The following SCYL3 variants were observed in gnomAD, a reference collection of about 807,000 sequenced individuals.
The protein encoded by SCYL3 is protein-associating with the carboxyl-terminal domain of ezrin.
Under a neutral mutation model 73.8 loss-of-function variants are expected in SCYL3, and 35 were observed. The observed-to-expected ratio is 0.47, with a 90% confidence interval of 0.36 to 0.63. The LOEUF (loss-of-function observed/expected upper bound fraction) is 0.63, where lower values mean the gene tolerates loss of function less well. Ranked by LOEUF, SCYL3 falls within the 20% of genes least tolerant of loss-of-function variation. The pLI, the probability that SCYL3 is intolerant of heterozygous loss-of-function variation, is 0.00. For synonymous variants in SCYL3, 277 were observed against 295.2 expected, an observed-to-expected ratio of 0.94 and a Z score of 0.63; for missense variants, 712 against 798.9, an observed-to-expected ratio of 0.89 and a Z score of 1.31.
chr1:169,860,721 G>A (rs777492592), intron 10 of SCYL3, among the ~76,000 whole-genome samples: 1 of 152,150 alleles, frequency 6.6e-6, no homozygotes, highest in Non-Finnish European at 1.5e-5. Flanking sequence ...CCAAAAATTG[G>A]TCATCCTCAA....
intron 2 of SCYL3, 90 bp downstream of exon 2, chr1:169,888,586 C>A: frequency 9.6e-7 from 1 of 1,037,554 alleles, no homozygotes; most frequent in Admixed American, 2.3e-5. Flanking sequence ...ATGATCTTAC[C>A]TCCTTTGAAC....
intron 5 of SCYL3, among the ~76,000 whole-genome samples, chr1:169,871,379 C>G: frequency 6.6e-6 from 1 of 152,218 alleles, no homozygotes; most frequent in Non-Finnish European, 1.5e-5. Context: ...CATAAGCTCT[C>G]TTCTCTTGTC....
At chr1:169,862,568 T>TC in intron 10 of SCYL3, 45 bp downstream of exon 10, 1 of 1,600,940 alleles carries the variant, frequency 6.2e-7, no homozygotes, top group Non-Finnish European at 8.6e-7. Flanking sequence ...TCAGCACTCT[T>TC]CCCTCAGGTT....
At position 169,853,819 on chromosome 1, in the gene SCYL3, T is replaced by C. The variant is rs374551717; in HGVS notation, c.2008-47A>G. On this transcript the variant is annotated intron_variant, in intron 12 of 12. Coordinates refer to ENST00000367771, the MANE Select transcript of SCYL3 (RefSeq NM_020423.7). ...CAAGAACCCACTGAAACAAATCATA[T>C]GCAAAAATCATACGCAAATTTGAAA... is the stretch of plus-strand genomic sequence containing the variant. The C allele has an allele frequency of 3.8e-6, 6 of 1,598,094 alleles. No individual in the cohort carries two copies. The African/African-American group carries it at 4.1e-5, about 11-fold the overall frequency.
intron 2 of SCYL3, among the ~76,000 whole-genome samples, chr1:169,881,240 T>C (rs1661231008): frequency 6.6e-6 from 1 of 152,212 alleles, no homozygotes; most frequent in African/African-American, 2.4e-5. Context: ...TTATGTGACA[T>C]AGTACAATAT....
chr1:169,854,767 A>T lies in SCYL3; in HGVS notation c.1510T>A (p.Ser504Thr). The change falls in exon 12 of 13, where the codon TCC becomes ACC. Residue 504 changes from serine (S) to threonine (T), a missense_variant. By Grantham distance (58) the Ser-to-Thr change is moderately conservative. Around this residue, in one of 2 missense-constraint regions of SCYL3, gnomAD observed 370 missense variants for 350.8 expected, o/e 1.05. Transcript: ENST00000367771. ...TCCACATCCAAGGTAGTGCACTGGGACTTGACATCATCACAAGGTTCTCTA... is the reference window on the plus strand; with the variant it reads ...TCCACATCCAAGGTAGTGCACTGGGTCTTGACATCATCACAAGGTTCTCTA... ...WPREPCDDVK[S>T]QCTTLDVEES... is the part of the protein sequence containing the mutation. 6.2e-7 allele frequency: 1 copy of T among 1,614,038 alleles called. No homozygotes were observed. The highest frequency in any genetic ancestry group is 1.1e-5 in the South Asian group (1 of 91,072).
At chr1:169,889,976 T>C (rs1436690928) in intron 1 of SCYL3, among the ~76,000 whole-genome samples, 1 of 152,192 alleles carries the variant, frequency 6.6e-6, no homozygotes, top group Non-Finnish European at 1.5e-5. Context: ...ACCTTCCAAA[T>C]CTTCTACAAT....
intron 1 of SCYL3, among the ~76,000 whole-genome samples, chr1:169,892,873 T>C (rs537594974): frequency 1.3e-5 from 2 of 152,338 alleles, no homozygotes; most frequent in South Asian, 4.1e-4. Context: ...CGAGACTACC[T>C]TGGTCCTAGC....
At chr1:169,892,246 G>GT (rs996681182) in intron 1 of SCYL3, among the ~76,000 whole-genome samples, 10 of 151,058 alleles carry the variant, frequency 6.6e-5, no homozygotes, top group Admixed American at 1.3e-4. Context: ...ATATGAAGAA[G>GT]TTTTTTTGTT....
In SCYL3 at chr1:169,857,180, C is replaced by CAAGAAA. The variant is rs60746978; in HGVS notation, c.1312+1855_1312+1860dup. On this transcript the variant is annotated intron_variant, in intron 11 of 12. Transcript: ENST00000367771. ...TTACCCCATAGGCCAACAAAAGTCA[C>CAAGAAA]AAGAAACTTAAACATCTAGTGTTAA... Among the ~76,000 whole-genome samples the CAAGAAA allele has an allele frequency of 6.3e-3, 964 of 152,300 alleles. 10 individuals carry two copies. The highest frequency in any genetic ancestry group is 0.022 in the African/African-American group (920 of 41,558).
At position 169,855,831 on chromosome 1, in the gene SCYL3, A is replaced by G. The variant is rs1402249166; in HGVS notation, c.1313-867T>C. ...AAGAGTATTGTAGTAATCTCGCTGTATGTGCTTCTTGCTGTTGATGGGCGT... is the reference window on the plus strand; with the variant it reads ...AAGAGTATTGTAGTAATCTCGCTGTGTGTGCTTCTTGCTGTTGATGGGCGT... On this transcript the variant is annotated intron_variant, in intron 11 of 12. Transcript: ENST00000367771. 6.2e-7 allele frequency: 1 copy of G among 1,613,736 alleles called. No homozygotes were observed. Among genetic ancestry groups the G allele is most frequent in the Non-Finnish European group, 8.5e-7 (1 of 1,179,804 alleles).
intron 11 of SCYL3, among the ~76,000 whole-genome samples, chr1:169,856,202 A>G (rs2102133211): frequency 6.6e-6 from 1 of 152,344 alleles, no homozygotes; most frequent in Non-Finnish European, 1.5e-5. Flanking sequence ...AAAGCATTAC[A>G]CAGATATAAC....
upstream of SCYL3, chr1:169,894,244 A>C (rs1260513624): frequency 6.6e-6 from 1 of 152,282 alleles, no homozygotes; most frequent in East Asian, 1.9e-4. Context: ...GCTGCTGGCC[A>C]CTTGTAGCAA....
chr1:169,852,772 C>CTT lies in SCYL3; in HGVS notation c.*939_*940dup, dbSNP rs1558106775. The CTT allele has an allele frequency of 6.2e-7, 1 of 1,611,790 alleles. No individual in the cohort carries two copies. Among genetic ancestry groups the CTT allele is most frequent in the Admixed American group, 1.7e-5 (1 of 59,766 alleles). ...ATTTAGAATGGATATTGTGATATTA[C>CTT]TTATGTTTTTTTTCCAGCCTTATGC... On this transcript the variant is annotated 3_prime_UTR_variant, in exon 13 of 13. Coordinates refer to ENST00000367771, the MANE Select transcript of SCYL3 (RefSeq NM_020423.7).
At chr1:169,860,956 A>G (rs952927163) in intron 10 of SCYL3, among the ~76,000 whole-genome samples, 7 of 152,202 alleles carry the variant, frequency 4.6e-5, no homozygotes, top group Non-Finnish European at 8.8e-5. Flanking sequence ...TTCCTAAGTA[A>G]TGAGAGGTTT....
At chr1:169,860,880 A>C (rs115039589) in intron 10 of SCYL3, among the ~76,000 whole-genome samples, 12 of 152,258 alleles carry the variant, frequency 7.9e-5, no homozygotes, top group African/African-American at 2.9e-4. Context: ...GGTCTCTTCC[A>C]CACTGCTACC....
chr1:169,853,145 T>C lies in SCYL3; in HGVS notation c.*568A>G. On this transcript the variant is annotated 3_prime_UTR_variant, in exon 13 of 13. Coordinates refer to ENST00000367771, the MANE Select transcript of SCYL3 (RefSeq NM_020423.7). ...GAGAACAGGATTGTGGGGAATATTCTTATTAAGAACTTTGGTACAATGTAC... is the reference window on the plus strand; with the variant it reads ...GAGAACAGGATTGTGGGGAATATTCCTATTAAGAACTTTGGTACAATGTAC... 1 of 738,342 alleles carries C rather than the reference T, an allele frequency of 1.4e-6. No individual in the cohort carries two copies. The highest frequency in any genetic ancestry group is 1.9e-5 in the South Asian group (1 of 52,784). The allele number at this position is 738,342 out of a possible 1,614,324, so 45.7% of individuals were successfully genotyped here.
chr1:169,875,584 T>C (rs1156473611), intron 4 of SCYL3, among the ~76,000 whole-genome samples: 13 of 152,160 alleles, frequency 8.5e-5, no homozygotes, highest in Admixed American at 8.5e-4. Flanking sequence ...TAGGTAGAGG[T>C]ATAAAGATAA....
intron 2 of SCYL3, among the ~76,000 whole-genome samples, chr1:169,886,310 CA>C (rs900942051): frequency 4.7e-5 from 7 of 148,228 alleles, no homozygotes; most frequent in African/African-American, 1.5e-4. Context: ...GACTACATCT[CA>C]AAAAAAAAAG....
Sources: allele counts gnomAD v4.1 joint callset (sites outside exome capture counted in the v4.1 genomes callset), GRCh38; gene constraint gnomAD v4.1.1; regional missense constraint gnomAD v4.1.1; transcripts MANE v1.5; gene names NCBI Gene and HGNC (gene_info 2026-07-23, HGNC 2026-07-21).